TACR3: variants seen among roughly 807,000 people sequenced by gnomAD.
TACR3 encodes neuromedin-K receptor.
TACR3 carries 34 observed loss-of-function variants against 35.0 expected under a neutral mutation model. That is an observed-to-expected ratio of 0.97 (90% CI 0.74 to 1.30). The LOEUF (loss-of-function observed/expected upper bound fraction) is 1.30, where lower values mean the gene tolerates loss of function less well. TACR3 is among the 50% of genes most tolerant of loss of function. The pLI is 0.00. For synonymous variants in TACR3, 233 were observed against 221.1 expected, an observed-to-expected ratio of 1.05 and a Z score of -0.48; for missense variants, 558 against 591.7, an observed-to-expected ratio of 0.94 and a Z score of 0.59.
chr4:103,697,770 C>T (rs1722556690), intron 1 of TACR3, among the ~76,000 whole-genome samples: 1 of 152,086 alleles, frequency 6.6e-6, no homozygotes, highest in African/African-American at 2.4e-5. Flanking sequence ...AATTTGTGTG[C>T]AGTGAGAAGT....
intron 3 of TACR3, among the ~76,000 whole-genome samples, chr4:103,640,221 T>C (rs1414695308): frequency 6.6e-6 from 1 of 152,076 alleles, no homozygotes; most frequent in African/African-American, 2.4e-5. Flanking sequence ...GTAGTTTATG[T>C]TTGTCCCCAT....
At chr4:103,664,923 C>T (rs1326740356) in intron 1 of TACR3, among the ~76,000 whole-genome samples, 1 of 151,656 alleles carries the variant, frequency 6.6e-6, no homozygotes, top group African/African-American at 2.4e-5. Flanking sequence ...GATCTTTCTG[C>T]CTCAGCTCTC....
intron 3 of TACR3, among the ~76,000 whole-genome samples, chr4:103,600,936 G>A (rs1724183573): frequency 6.6e-6 from 1 of 152,140 alleles, no homozygotes; most frequent in African/African-American, 2.4e-5. Flanking sequence ...TGCATATTTT[G>A]TTGATTTGGG....
At chr4:103,603,688 A>G (rs1476184127) in intron 3 of TACR3, among the ~76,000 whole-genome samples, 1 of 152,222 alleles carries the variant, frequency 6.6e-6, no homozygotes, top group Non-Finnish European at 1.5e-5. Context: ...GTATATACCC[A>G]GTAATGGGAT....
intron 1 of TACR3, among the ~76,000 whole-genome samples, chr4:103,710,919 A>T (rs1376263380): frequency 6.6e-6 from 1 of 152,206 alleles, no homozygotes; most frequent in East Asian, 1.9e-4. Flanking sequence ...CTGGACACAT[A>T]CACCCTCCCA....
At chr4:103,637,952 A>C (rs1725235761) in intron 3 of TACR3, among the ~76,000 whole-genome samples, 1 of 152,166 alleles carries the variant, frequency 6.6e-6, no homozygotes. Context: ...ATACAAACAA[A>C]TGGAAGAATA....
intron 1 of TACR3, among the ~76,000 whole-genome samples, chr4:103,705,406 C>A (rs1159642439): frequency 6.6e-6 from 1 of 151,846 alleles, no homozygotes; most frequent in Non-Finnish European, 1.5e-5. Flanking sequence ...TTCATCAATC[C>A]AGAGTGCATC....
chr4:103,697,986 A>G (rs1722562357), intron 1 of TACR3, among the ~76,000 whole-genome samples: 1 of 152,184 alleles, frequency 6.6e-6, no homozygotes, highest in African/African-American at 2.4e-5. Flanking sequence ...TGTAGGAAAG[A>G]TATTGCATTC....
intron 3 of TACR3, among the ~76,000 whole-genome samples, chr4:103,641,633 C>A (rs1022348943): frequency 4.0e-5 from 6 of 151,868 alleles, no homozygotes; most frequent in African/African-American, 1.5e-4. Flanking sequence ...TGTATACATA[C>A]CCAAAGGAAT....
chr4:103,629,566 G>A (rs4385067), intron 3 of TACR3, among the ~76,000 whole-genome samples: 94,449 of 151,804 alleles, frequency 0.62, 32,063 homozygotes, highest in African/African-American at 0.9. Context: ...TAAAATACCT[G>A]GGAATCCAAC....
chr4:103,597,425 C>T (rs1394547299), intron 3 of TACR3, among the ~76,000 whole-genome samples: 3 of 152,010 alleles, frequency 2.0e-5, no homozygotes, highest in African/African-American at 7.2e-5. Flanking sequence ...CACAACAAAA[C>T]TGCTTGTTTT....
rs115773720 is a variant in TACR3, at chr4:103,656,038, C to T, written c.888+156G>A. Among the ~76,000 whole-genome samples the T allele has an allele frequency of 3.0e-3, 455 of 151,908 alleles. 1 individual carries two copies. The highest frequency in any genetic ancestry group is 0.01 in the African/African-American group (433 of 41,466). On this transcript the variant is annotated intron_variant, in intron 3 of 4. Transcript: ENST00000304883. ...TACAGTATGTGGACAGCAGCTTATA[C>T]AAAACCAAAAGAAAAGAAAAAAAAT...
intron 3 of TACR3, among the ~76,000 whole-genome samples, chr4:103,592,445 T>A (rs1241424325): frequency 6.6e-6 from 1 of 152,182 alleles, no homozygotes; most frequent in African/African-American, 2.4e-5. Flanking sequence ...ATGTCAGCTG[T>A]TATTTCTCTT....
chr4:103,691,202 A>G (rs1379912357), intron 1 of TACR3, among the ~76,000 whole-genome samples: 1 of 152,218 alleles, frequency 6.6e-6, no homozygotes, highest in African/African-American at 2.4e-5. Context: ...AAAACTAGAA[A>G]CAACCCAAAT....
At chr4:103,636,998 C>A (rs1233535754) in intron 3 of TACR3, among the ~76,000 whole-genome samples, 4 of 152,094 alleles carry the variant, frequency 2.6e-5, no homozygotes, top group African/African-American at 9.7e-5. Context: ...CAGCCGAATT[C>A]TACCAGAGGT....
intron 1 of TACR3, among the ~76,000 whole-genome samples, chr4:103,670,710 C>A (rs1257481335): frequency 1.3e-5 from 2 of 151,858 alleles, no homozygotes. Flanking sequence ...AACAGTTTTT[C>A]ATTTTTAGTG....
At chr4:103,682,928 G>T (rs1722132375) in intron 1 of TACR3, among the ~76,000 whole-genome samples, 1 of 152,142 alleles carries the variant, frequency 6.6e-6, no homozygotes, top group African/African-American at 2.4e-5. Flanking sequence ...AACCGATAGT[G>T]AGATGGAACT....
chr4:103,678,380 G>A (rs1398322679), intron 1 of TACR3, among the ~76,000 whole-genome samples: 1 of 152,014 alleles, frequency 6.6e-6, no homozygotes, highest in African/African-American at 2.4e-5. Flanking sequence ...TTGTGAAGAT[G>A]GAAATATCTA....
At position 103,587,046 on chromosome 4, in the gene TACR3, C is replaced by T. The variant is rs571384107; in HGVS notation, c.*2636G>A. 2.2e-4 allele frequency: 33 copies of T among 152,072 alleles called. No homozygotes were observed. Among genetic ancestry groups the T allele is most frequent in the Non-Finnish European group, 4.6e-4 (31 of 67,990 alleles). The allele number at this position is 152,072 out of a possible 1,614,324, so 9.4% of individuals were successfully genotyped here. ...AGTAGTCTGAGCCAGTGTTTGCCTT[C>T]AAACAATGGAAAGATTCATACTGAA... On this transcript the variant is annotated 3_prime_UTR_variant, in exon 5 of 5. Coordinates refer to ENST00000304883, the MANE Select transcript of TACR3 (RefSeq NM_001059.3).
Sources: allele counts gnomAD v4.1 joint callset (sites outside exome capture counted in the v4.1 genomes callset), GRCh38; gene constraint gnomAD v4.1.1; transcripts MANE v1.5; gene names NCBI Gene and HGNC (gene_info 2026-07-23, HGNC 2026-07-21).